Variants in MCOLN2 observed in about 807,000 individuals in gnomAD.
MCOLN2 encodes mucolipin TRP cation channel 2.
MCOLN2 carries 57 observed loss-of-function variants against 67.5 expected under a neutral mutation model. The ratio of observed to expected loss-of-function variants is 0.84; its 90% CI spans 0.68 to 1.05. The LOEUF is 1.05. Among genes scored for constraint, MCOLN2 ranks in the 50% least tolerant of loss-of-function variants. MCOLN2 has a pLI of 0.00. For missense variants in MCOLN2, 620 were observed against 678.8 expected (o/e 0.91, Z 0.96); for synonymous variants, 246 against 233.3 (o/e 1.05, Z -0.50).
chr1:84,996,447 A>G (rs1651158523), intron 1 of MCOLN2, among the ~76,000 whole-genome samples: 1 of 134,062 alleles, frequency 7.5e-6, no homozygotes, highest in African/African-American at 2.9e-5. Flanking sequence ...GAGAGCAGGA[A>G]ACGGGGGAGC....
chr1:84,972,467 A>G (rs1465385023), intron 1 of MCOLN2, among the ~76,000 whole-genome samples: 1 of 152,252 alleles, frequency 6.6e-6, no homozygotes, highest in Non-Finnish European at 1.5e-5. Flanking sequence ...AATAGAATAG[A>G]AAGCCACCCA....
At chr1:84,930,203 T>C (rs1661342113) in intron 12 of MCOLN2, among the ~76,000 whole-genome samples, 1 of 151,332 alleles carries the variant, frequency 6.6e-6, no homozygotes, top group East Asian at 1.9e-4. Context: ...TTGGAGGCTA[T>C]AATGAGGTAG....
At chr1:84,984,233 CA>C (rs1301767840) in intron 1 of MCOLN2, among the ~76,000 whole-genome samples, 1 of 152,008 alleles carries the variant, frequency 6.6e-6, no homozygotes, top group African/African-American at 2.4e-5. Context: ...TTCATCATTC[CA>C]ACTATTTTCC....
At chr1:84,985,303 C>A (rs1477136181) in intron 1 of MCOLN2, among the ~76,000 whole-genome samples, 2 of 152,134 alleles carry the variant, frequency 1.3e-5, no homozygotes, top group Non-Finnish European at 2.9e-5. Flanking sequence ...ATACAGCTGA[C>A]CACTACCTCC....
At chr1:84,966,278 T>TA (rs928499985) in intron 1 of MCOLN2, among the ~76,000 whole-genome samples, 3 of 151,242 alleles carry the variant, frequency 2.0e-5, no homozygotes, top group East Asian at 1.9e-4. Context: ...AAAAACAAAA[T>TA]AAAAAAAACA....
intron 4 of MCOLN2, among the ~76,000 whole-genome samples, chr1:84,953,550 CA>C (rs138750958): frequency 0.42 from 49,519 of 118,132 alleles, 8,981 homozygotes; most frequent in South Asian, 0.52. Flanking sequence ...AACTCTATCT[CA>C]AAAAAAAAAA....
At chr1:84,974,561 G>T (rs922731283) in intron 1 of MCOLN2, among the ~76,000 whole-genome samples, 1 of 151,966 alleles carries the variant, frequency 6.6e-6, no homozygotes, top group Non-Finnish European at 1.5e-5. Flanking sequence ...TGCCTTGAAG[G>T]GAAGAACCCA....
chr1:84,995,633 G>T (rs1335831370), intron 1 of MCOLN2, among the ~76,000 whole-genome samples: 1 of 152,054 alleles, frequency 6.6e-6, no homozygotes, highest in African/African-American at 2.4e-5. Flanking sequence ...TTTTAAAATT[G>T]TCTTGTTCTA....
At chr1:84,960,253 G>C (rs996150694) in intron 2 of MCOLN2, among the ~76,000 whole-genome samples, 1 of 152,146 alleles carries the variant, frequency 6.6e-6, no homozygotes, top group Non-Finnish European at 1.5e-5. Context: ...AGCGGACTAT[G>C]AAAATGTTAC....
chr1:84,957,858 A>T (rs498429), intron 3 of MCOLN2, among the ~76,000 whole-genome samples: 53,837 of 152,032 alleles, frequency 0.35, 9,928 homozygotes, highest in African/African-American at 0.43. Context: ...ATCCTCAATG[A>T]CTGGAATAAC....
chr1:84,963,610 C>T (rs962154101), intron 2 of MCOLN2, among the ~76,000 whole-genome samples: 3 of 152,064 alleles, frequency 2.0e-5, no homozygotes, highest in African/African-American at 7.2e-5. Flanking sequence ...GTAGAACTCC[C>T]CCTTGCTGTT....
chr1:84,986,145 T>C (rs1650494273), intron 1 of MCOLN2, among the ~76,000 whole-genome samples: 1 of 152,144 alleles, frequency 6.6e-6, no homozygotes, highest in African/African-American at 2.4e-5. Flanking sequence ...GCCAAATACT[T>C]ACAGCCAACT....
At chr1:84,947,246 T>C (rs1392785299) in intron 6 of MCOLN2, 114 bp from the exon 7 acceptor site, 27 of 646,876 alleles carry the variant, frequency 4.2e-5, no homozygotes, top group Admixed American at 1.2e-4. Flanking sequence ...CAAAGAGAAT[T>C]ACACAGGCCA....
rs77733105 is a variant in MCOLN2 at position 84,940,979 on chromosome 1, G to C, written c.860C>G (p.Ala287Gly). The C allele has an allele frequency of 1.8e-4, 283 of 1,610,310 alleles. 2 individuals carry two copies. In the African/African-American group the frequency reaches 3.5e-3, roughly 20 times the overall value. Residue 287 changes from alanine (A) to glycine (G), a missense_variant, in exon 8 of 14, where the codon GCT becomes GGT. Physicochemically the swap from Ala to Gly is moderately conservative, Grantham distance 60 (BLOSUM62 0). Transcript: ENST00000370608. ...TGCATCAAACACCAGGACATACTGA[G>C]CATTTTTCTGAGCTGAGGAATAAAA... is the stretch of plus-strand genomic sequence containing the variant. ...LNIFGSTQKN[A>G]QYVLVFDAFV...
Position 84,936,629 on chromosome 1 carries a change from T to C in MCOLN2, c.1335+1126A>G, listed in dbSNP as rs1033692972. Among the ~76,000 whole-genome samples, 2 of 152,316 alleles carry C rather than the reference T, an allele frequency of 1.3e-5. 1 individual carries two copies. Among genetic ancestry groups the C allele is most frequent in the South Asian group, 4.1e-4 (2 of 4,824 alleles). On this transcript the variant is annotated intron_variant, in intron 11 of 13. Coordinates refer to ENST00000370608, the MANE Select transcript of MCOLN2 (RefSeq NM_153259.4). ...AGAGGTTGTCACTTTGTTAATTATA[T>C]AATATCTCAAATAGGAAAAACAGTA... is the stretch of plus-strand genomic sequence containing the variant.
At chr1:84,952,170 T>C in intron 6 of MCOLN2, 73 bp downstream of exon 6, 1 of 982,626 alleles carries the variant, frequency 1.0e-6, no homozygotes, top group East Asian at 2.5e-5. Flanking sequence ...GGCTGCTGTG[T>C]TTTATACTCT....
At chr1:84,981,984 C>T in intron 1 of MCOLN2, among the ~76,000 whole-genome samples, 1 of 150,096 alleles carries the variant, frequency 6.7e-6, no homozygotes, top group East Asian at 1.9e-4. Flanking sequence ...AAAATTATTG[C>T]AAAAAATTAC....
chr1:84,970,206 G>A (rs888885846), intron 1 of MCOLN2, among the ~76,000 whole-genome samples: 1 of 151,934 alleles, frequency 6.6e-6, no homozygotes, highest in African/African-American at 2.4e-5. Flanking sequence ...ATGAAATGGT[G>A]TACACTGAAT....
chr1:84,941,213 TG>T (rs2102816890), intron 7 of MCOLN2, among the ~76,000 whole-genome samples: 1 of 152,318 alleles, frequency 6.6e-6, no homozygotes, highest in Admixed American at 6.5e-5. Context: ...ACATGTGAGC[TG>T]GGCCAGGCAC....
Sources: gnomAD v4.1 joint callset for allele counts (sites outside exome capture counted in the v4.1 genomes callset) on GRCh38, gnomAD v4.1.1 for gene constraint, MANE v1.5 for transcripts, NCBI Gene and HGNC (gene_info 2026-07-23, HGNC 2026-07-21) for gene names.